The following POLR1A variants were observed in gnomAD, a reference collection of about 807,000 sequenced individuals.
POLR1A encodes RNA polymerase I subunit A, also known as DNA-directed RNA polymerase I subunit RPA1.
A neutral mutation model predicts 205.3 loss-of-function variants in POLR1A; 84 were observed. The observed-to-expected ratio is 0.41, with a 90% confidence interval of 0.34 to 0.49. The LOEUF is 0.49. Among genes scored for constraint, POLR1A ranks in the 20% least tolerant of loss-of-function variants. POLR1A has a pLI of 0.22. For missense variants in POLR1A, 1,645 were observed against 2,204.5 expected, an observed-to-expected ratio of 0.75 and a Z score of 5.08; for synonymous variants, 799 against 863.7, an observed-to-expected ratio of 0.93 and a Z score of 1.31.
Position 86,069,898 on chromosome 2 carries a change from T to C in POLR1A, c.1866+120A>G. On this transcript the variant is annotated intron_variant, in intron 13 of 33. Transcript: ENST00000263857. ...CCCCACCTGGGAGAAACCAGGACCCTCCATTCCAGGCGCCCCTGTCCTGGA... is the reference window on the plus strand; with the variant it reads ...CCCCACCTGGGAGAAACCAGGACCCCCCATTCCAGGCGCCCCTGTCCTGGA... The C allele has an allele frequency of 2.7e-6, 3 of 1,093,858 alleles. No individual in the cohort carries two copies. The South Asian group carries it at 5.3e-5, about 19-fold the overall frequency. The allele number at this position is 1,093,858 out of a possible 1,614,324, so 67.8% of individuals were successfully genotyped here. A position where few individuals can be genotyped will look rare whatever the true frequency, so the allele number is the denominator to read the frequency against.
chr2:86,050,320 G>A (rs890650458), intron 16 of POLR1A, among the ~76,000 whole-genome samples: 27 of 152,196 alleles, frequency 1.8e-4, no homozygotes, highest in Admixed American at 1.8e-3. Flanking sequence ...CAAAAGATGG[G>A]GCTGAAATAT....
Position 86,065,533 on chromosome 2 carries a change from C to T in POLR1A, c.1867-68G>A, listed in dbSNP as rs311563. 1,220,696 of 1,399,388 alleles carry T rather than the reference C, an allele frequency of 0.87. 534,929 individuals are homozygous for T. The highest frequency in any genetic ancestry group is 0.89 in the Non-Finnish European group (898,173 of 1,006,546). 86.7% of individuals were successfully genotyped at this position (1,399,388 alleles called of 1,614,324 possible). A position where few individuals can be genotyped will look rare whatever the true frequency, so the allele number is the denominator to read the frequency against. ...CTTAAGTCAAACTCTAATCCCTAAT[C>T]GCCTGCCTGGAAGCCACTTTCTATC... On this transcript the variant is annotated intron_variant, in intron 13 of 33. Transcript: ENST00000263857.
Position 86,042,984 on chromosome 2 carries a change from C to A in POLR1A, c.3347G>T (p.Gly1116Val), listed in dbSNP as rs1672643825. ...ACCTCCCTGCATCACCTCCTGAGTC[C>A]CAGGGCTGCGGCCATTGCGGTTTTC... Reference protein sequence around the residue: ...ESENRNGRSPGTQEMLRMWYE... With the variant: ...ESENRNGRSPVTQEMLRMWYE... The change falls in exon 23 of 34, where the codon GGG becomes GTG. Residue 1116 changes from glycine to valine, a missense_variant. Transcript: ENST00000263857. 5 of 1,613,124 alleles carry A rather than the reference C, an allele frequency of 3.1e-6. No individual in the cohort carries two copies. Among genetic ancestry groups the A allele is most frequent in the Non-Finnish European group, 4.2e-6 (5 of 1,179,302 alleles).
chr2:86,030,163 C>T lies in POLR1A; in HGVS notation c.4779+33G>A, dbSNP rs770002372. On this transcript the variant is annotated intron_variant, in intron 31 of 33. Transcript: ENST00000263857. ...AGACAACGTGGGGTGAGGACTAATG[C>T]TTTGTCCCAGGCCAGCAGACAGCCT... 2.5e-6 allele frequency: 4 copies of T among 1,572,724 alleles called. No homozygotes were observed. In the East Asian group the frequency reaches 6.7e-5, roughly 26 times the overall value.
Position 86,042,009 on chromosome 2 carries a change from C to G in POLR1A, c.3452G>C (p.Arg1151Pro). The part of the protein sequence containing the change: ...ACPDPSLSVW[R>P]PDIYFASVSE... ...CACTGATGCAAAGTAGATGTCAGGACGCCAGACAGACAGACTGGGGTCAGG... is the reference window on the plus strand; with the variant it reads ...CACTGATGCAAAGTAGATGTCAGGAGGCCAGACAGACAGACTGGGGTCAGG... Residue 1151 changes from arginine to proline, a missense_variant, in exon 24 of 34, where the codon CGT becomes CCT. Arg to Pro is a moderately radical substitution (Grantham distance 103). Around this residue, in one of 16 missense-constraint regions of POLR1A, gnomAD observed 201 missense variants for 222.3 expected, o/e 0.90. Transcript: ENST00000263857. The G allele has an allele frequency of 1.2e-6, 2 of 1,613,980 alleles. No homozygotes were observed. Among genetic ancestry groups the G allele is most frequent in the Non-Finnish European group, 1.7e-6 (2 of 1,179,844 alleles).
At chr2:86,050,696 A>T (rs1330050504) in intron 16 of POLR1A, among the ~76,000 whole-genome samples, 1 of 152,208 alleles carries the variant, frequency 6.6e-6, no homozygotes, top group East Asian at 1.9e-4. Context: ...TGGGTGTGGG[A>T]TCTTCCTCTA....
chr2:86,083,313 C>T, intron 6 of POLR1A, 145 bp from the exon 7 acceptor site: 1 of 629,400 alleles, frequency 1.6e-6, no homozygotes, highest in Non-Finnish European at 2.9e-6. Context: ...GGCCTGGATT[C>T]CCTCTGGCCC....
intron 18 of POLR1A, among the ~76,000 whole-genome samples, chr2:86,048,227 G>T (rs1336668065): frequency 6.6e-6 from 1 of 152,238 alleles, no homozygotes; most frequent in East Asian, 1.9e-4. Flanking sequence ...GGCCAGGCCA[G>T]CTCCTCCAAG....
At chr2:86,055,948 A>G (rs1027925189) in intron 14 of POLR1A, among the ~76,000 whole-genome samples, 5 of 152,220 alleles carry the variant, frequency 3.3e-5, no homozygotes, top group African/African-American at 1.2e-4. Context: ...TAGGCAAGAA[A>G]ATAAATAAAA....
In POLR1A at chr2:86,078,256, C is replaced by T. The variant is rs781449199; in HGVS notation, c.1115G>A (p.Arg372Gln). The change falls in exon 10 of 34, where the codon CGA becomes CAA. Residue 372 changes from arginine to glutamine, a missense_variant. Around this residue, in one of 16 missense-constraint regions of POLR1A, gnomAD observed 78 missense variants for 77.7 expected, o/e 1.00. Coordinates refer to ENST00000263857, the MANE Select transcript of POLR1A (RefSeq NM_015425.6). The part of the protein sequence containing the change: ...EEKDSLIAID[R>Q]SFLSTLPGQS... ...GCCTGGAAGTGTACTCAAAAAGGAT[C>T]GGTCAATAGCAATCAAAGAGTCTTT... is the stretch of plus-strand genomic sequence containing the variant. The T allele has an allele frequency of 1.0e-5, 16 of 1,579,810 alleles. No homozygotes were observed. Among genetic ancestry groups the T allele is most frequent in the Admixed American group, 2.0e-5 (1 of 48,832 alleles).
chr2:86,081,067 C>T, intron 8 of POLR1A, 89 bp from the exon 9 acceptor site: 1 of 1,191,444 alleles, frequency 8.4e-7, no homozygotes, highest in Non-Finnish European at 1.2e-6. Context: ...CTGTAGGGAG[C>T]ACACCCCACC....
intron 7 of POLR1A, among the ~76,000 whole-genome samples, chr2:86,082,201 G>C (rs910410765): frequency 9.2e-5 from 14 of 152,080 alleles, no homozygotes; most frequent in Admixed American, 9.2e-4. Context: ...CAGGGGATAT[G>C]ATAGCATAAA....
At chr2:86,054,929 C>T (rs1373337654) in intron 14 of POLR1A, among the ~76,000 whole-genome samples, 1 of 152,204 alleles carries the variant, frequency 6.6e-6, no homozygotes, top group African/African-American at 2.4e-5. Context: ...GTGTGACAGG[C>T]TCCAGGGCTG....
At position 86,031,312 on chromosome 2, in the gene POLR1A, C is replaced by A. The variant is rs1011180300; in HGVS notation, c.4578+18G>T. On this transcript the variant is annotated intron_variant, in intron 30 of 33. Coordinates refer to ENST00000263857, the MANE Select transcript of POLR1A (RefSeq NM_015425.6). ...CTGGACCAACCACCCAAGCCCTGGCCTGCACGGCCACACTGACCTGGCACC... is the reference window on the plus strand; with the variant it reads ...CTGGACCAACCACCCAAGCCCTGGCATGCACGGCCACACTGACCTGGCACC... 6.5e-7 allele frequency: 1 copy of A among 1,531,164 alleles called. No homozygotes were observed. The highest frequency in any genetic ancestry group is 1.4e-5 in the African/African-American group (1 of 72,312). The allele number at this position is 1,531,164 out of a possible 1,614,324, so 94.8% of individuals were successfully genotyped here. A position where few individuals can be genotyped will look rare whatever the true frequency, so the allele number is the denominator to read the frequency against.
rs1690238463 is a variant in POLR1A, at chr2:86,025,126, A to G, written c.*2297T>C. ...GCACTCAGCCTGGGTAACAAGTGCA[A>G]AAGTGCATCTCAAAAAAAGAACTCA... On this transcript the variant is annotated 3_prime_UTR_variant, in exon 34 of 34. Transcript: ENST00000263857. The G allele has an allele frequency of 1.3e-5, 2 of 152,134 alleles. No individual in the cohort carries two copies. The highest frequency in any genetic ancestry group is 4.8e-5 in the African/African-American group (2 of 41,404). The allele number at this position is 152,134 out of a possible 1,614,324, so 9.4% of individuals were successfully genotyped here. A position where few individuals can be genotyped will look rare whatever the true frequency, so the allele number is the denominator to read the frequency against.
chr2:86,083,022 G>A (rs1211982632), intron 7 of POLR1A, 60 bp downstream of exon 7: 1 of 1,223,428 alleles, frequency 8.2e-7, no homozygotes, highest in Non-Finnish European at 1.2e-6. Flanking sequence ...CAGGGTTAAT[G>A]AGTCCAGGAA....
At position 86,065,357 on chromosome 2, in the gene POLR1A, G is replaced by C; in HGVS notation, c.1975C>G (p.Arg659Gly). Reference sequence around the variant, plus strand: ...CGCCCCACTTTGTCCGTGAGTCCTCGGTACACCAGCTCCATATAGTGCTCC... The same window carrying C: ...CGCCCCACTTTGTCCGTGAGTCCTCCGTACACCAGCTCCATATAGTGCTCC... The part of the protein sequence containing the change: ...TREHYMELVY[R>G]GLTDKVGRVK... Residue 659 changes from arginine (R) to glycine (G), a missense_variant, in exon 14 of 34, where the codon CGA becomes GGA. Arg to Gly is a moderately radical substitution (Grantham distance 125, BLOSUM62 -2). Around this residue, in one of 16 missense-constraint regions of POLR1A, gnomAD observed 339 missense variants for 415.1 expected, o/e 0.82. Coordinates refer to ENST00000263857, the MANE Select transcript of POLR1A (RefSeq NM_015425.6). 1 of 1,614,106 alleles carries C rather than the reference G, an allele frequency of 6.2e-7. No homozygotes were observed. The highest frequency in any genetic ancestry group is 8.5e-7 in the Non-Finnish European group (1 of 1,179,998).
At chr2:86,055,033 A>G (rs1672873440) in intron 14 of POLR1A, among the ~76,000 whole-genome samples, 2 of 152,224 alleles carry the variant, frequency 1.3e-5, no homozygotes, top group Admixed American at 1.3e-4. Context: ...GCGGTGGCTC[A>G]CGCCTGTAAT....
intron 29 of POLR1A, among the ~76,000 whole-genome samples, chr2:86,031,837 C>A (rs1235686044): frequency 6.6e-6 from 1 of 152,188 alleles, no homozygotes; most frequent in African/African-American, 2.4e-5. Context: ...TCTCTGTCCC[C>A]CTGAGCCCCT....
Sources: gnomAD v4.1 joint callset for allele counts (sites outside exome capture counted in the v4.1 genomes callset) on GRCh38, gnomAD v4.1.1 for gene constraint, gnomAD v4.1.1 regional missense constraint, MANE v1.5 for transcripts, NCBI Gene and HGNC (gene_info 2026-07-23, HGNC 2026-07-21) for gene names.